The following TPO variants were observed in gnomAD, a reference collection of about 807,000 sequenced individuals.
TPO encodes thyroid peroxidase.
A neutral mutation model predicts 96.9 loss-of-function variants in TPO; 78 were observed. The ratio of observed to expected loss-of-function variants is 0.81; its 90% CI spans 0.67 to 0.97. The LOEUF is 0.97. TPO is among the 50% of genes least tolerant of loss of function. The pLI is 0.00. For missense variants in TPO, 1,252 were observed against 1,274.8 expected (o/e 0.98, Z 0.27); for synonymous variants, 547 against 538.0 (o/e 1.02, Z -0.23).
intron 8 of TPO, among the ~76,000 whole-genome samples, chr2:1,483,494 A>G (rs1670832237): frequency 6.6e-6 from 1 of 152,242 alleles, no homozygotes; most frequent in Non-Finnish European, 1.5e-5. Flanking sequence ...TGTGGGAAGC[A>G]CACGGACCTT....
At chr2:1,468,602 T>C (rs949573544) in intron 7 of TPO, among the ~76,000 whole-genome samples, 6 of 152,248 alleles carry the variant, frequency 3.9e-5, no homozygotes, top group Admixed American at 1.3e-4. Context: ...TTTTACTTTA[T>C]AGGTTACCTG....
intron 14 of TPO, among the ~76,000 whole-genome samples, chr2:1,508,081 G>C (rs1281232519): frequency 6.6e-6 from 1 of 152,028 alleles, no homozygotes; most frequent in East Asian, 1.9e-4. Flanking sequence ...TTTATTGAGA[G>C]TTTTTAGCAT....
chr2:1,428,001 C>A (rs1453788480), intron 3 of TPO, among the ~76,000 whole-genome samples: 1 of 152,178 alleles, frequency 6.6e-6, no homozygotes, highest in African/African-American at 2.4e-5. Flanking sequence ...TGTCCCCAAA[C>A]CGAGAGCGAT....
At chr2:1,479,980 C>G (rs967146459) in intron 8 of TPO, among the ~76,000 whole-genome samples, 1 of 152,118 alleles carries the variant, frequency 6.6e-6, no homozygotes, top group African/African-American at 2.4e-5. Flanking sequence ...TGGGGTTTTG[C>G]CATGTTGGCT....
intron 8 of TPO, among the ~76,000 whole-genome samples, chr2:1,480,927 G>A (rs62107968): frequency 2.0e-4 from 30 of 152,098 alleles, no homozygotes; most frequent in Non-Finnish European, 3.4e-4. Context: ...TTCTTTTGTC[G>A]AAAGCTGAGA....
At position 1,501,051 on chromosome 2, in the gene TPO, A is replaced by G. The variant is rs561872635; in HGVS notation, c.2387-2897A>G. On this transcript the variant is annotated intron_variant, in intron 13 of 16. Transcript: ENST00000329066. ...TGGATGCTGCAAATTTCAAATAGATAAAAAGCTGTGAGTCAGTGGCTTTTT... is the reference window on the plus strand; with the variant it reads ...TGGATGCTGCAAATTTCAAATAGATGAAAAGCTGTGAGTCAGTGGCTTTTT... Among the ~76,000 whole-genome samples the G allele has an allele frequency of 2.0e-5, 3 of 152,244 alleles. No homozygotes were observed. In the East Asian group the frequency reaches 5.8e-4, roughly 29 times the overall value.
chr2:1,495,913 G>A (rs1195482684), intron 11 of TPO, 76 bp from the exon 12 acceptor site: 1 of 1,483,826 alleles, frequency 6.7e-7, no homozygotes, highest in Non-Finnish European at 9.2e-7. Flanking sequence ...ACACAGCTGT[G>A]GGCAGCTGGT....
At chr2:1,489,221 G>A (rs959722700) in intron 10 of TPO, among the ~76,000 whole-genome samples, 2 of 134,512 alleles carry the variant, frequency 1.5e-5, no homozygotes, top group African/African-American at 5.8e-5. Flanking sequence ...CCCAGCACAC[G>A]CCTGCACATG....
intron 10 of TPO, among the ~76,000 whole-genome samples, chr2:1,493,054 GGAGCAGCTGAGGCGTGGGTCAGT>G (rs1361250930): frequency 3.9e-5 from 6 of 152,128 alleles, no homozygotes; most frequent in Admixed American, 3.9e-4. Flanking sequence ...GCCTGGGCAG[GGAGCAGCTGAGGCGTGGGTCAGT>G]GAGCAGGAGG....
At chr2:1,489,156 TACCCAGCACAC>T (rs1413367494) in intron 10 of TPO, among the ~76,000 whole-genome samples, 57 of 144,604 alleles carry the variant, frequency 3.9e-4, no homozygotes, top group African/African-American at 1.5e-3. Flanking sequence ...GCCCAGCACA[TACCCAGCACAC>T]ACCTGCACAC....
chr2:1,485,752 G>C (rs1671100648), intron 9 of TPO, among the ~76,000 whole-genome samples: 2 of 152,090 alleles, frequency 1.3e-5, no homozygotes, highest in African/African-American at 4.8e-5. Flanking sequence ...TGATGGGGTT[G>C]TTTGTTTTTT....
intron 15 of TPO, among the ~76,000 whole-genome samples, chr2:1,526,963 T>G (rs570275426): frequency 7.5e-6 from 1 of 132,998 alleles, no homozygotes; most frequent in African/African-American, 2.9e-5. Flanking sequence ...CCACACTCTG[T>G]GCAACCTACT....
intron 1 of TPO, chr2:1,413,811 A>G (rs1360175168): frequency 3.3e-6 from 3 of 902,388 alleles, no homozygotes; most frequent in Non-Finnish European, 2.7e-6. Context: ...CCTGCTTAAC[A>G]AAATTAGTGG....
At chr2:1,542,349 G>T in intron 16 of TPO, 72 bp from the exon 17 acceptor site, 2 of 1,591,756 alleles carry the variant, frequency 1.3e-6, no homozygotes, top group Non-Finnish European at 1.7e-6. Flanking sequence ...CTTCTGTCTT[G>T]TATCAAGTGT....
chr2:1,439,027 G>A, intron 5 of TPO: 1 of 560,778 alleles, frequency 1.8e-6, no homozygotes. Flanking sequence ...CATAAATCAT[G>A]ATCACTCAAA....
intron 1 of TPO, among the ~76,000 whole-genome samples, chr2:1,386,354 T>C (rs1467756785): frequency 3.3e-5 from 5 of 152,184 alleles, no homozygotes; most frequent in African/African-American, 9.7e-5. Flanking sequence ...AGTCTAAGTC[T>C]CTTTGTAGGT....
rs1350950093 is a variant in TPO, at chr2:1,487,860, C to T, written c.1637C>T (p.Pro546Leu). ...DPLIRGLLAR[P>L]AKLQVQDQLM... ...CTAATACGAGGCCTTCTTGCAAGAC[C>T]AGCCAAACTGCAGGTGCAGGATCAG... Residue 546 changes from proline to leucine, a missense_variant, in exon 10 of 17, where the codon CCA (proline) becomes CTA (leucine). Pro to Leu is a moderately conservative substitution (Grantham distance 98, BLOSUM62 -3). Coordinates refer to ENST00000329066, the MANE Select transcript of TPO (RefSeq NM_001206744.2). The T allele has an allele frequency of 4.3e-6, 7 of 1,614,112 alleles. No homozygotes were observed. The highest frequency in any genetic ancestry group is 5.1e-6 in the Non-Finnish European group (6 of 1,180,050).
At position 1,542,614 on chromosome 2, in the gene TPO, A is replaced by ACTCTCAGGCATGGATGAAT; in HGVS notation, c.*141_*159dup. 2 of 1,552,654 alleles carry ACTCTCAGGCATGGATGAAT rather than the reference A, an allele frequency of 1.3e-6. No homozygotes were observed. The highest frequency in any genetic ancestry group is 1.7e-6 in the Non-Finnish European group (2 of 1,147,276). Reference sequence around the variant, plus strand: ...GTAAATCTAGTACCATGTCGTAGTTACTCTCAGGCATGGATGAATAAATGT... The same window carrying ACTCTCAGGCATGGATGAAT: ...GTAAATCTAGTACCATGTCGTAGTTACTCTCAGGCATGGATGAATCTCTCAGGCATGGATGAATAAATGT... On this transcript the variant is annotated 3_prime_UTR_variant, in exon 17 of 17. Transcript: ENST00000329066.
chr2:1,479,904 C>T (rs1162821371), intron 8 of TPO, among the ~76,000 whole-genome samples: 1 of 152,046 alleles, frequency 6.6e-6, no homozygotes, highest in East Asian at 1.9e-4. Flanking sequence ...GCCTCAGCCT[C>T]TCAAGTAGCT....
Sources: gnomAD v4.1 joint callset for allele counts (sites outside exome capture counted in the v4.1 genomes callset) on GRCh38, gnomAD v4.1.1 for gene constraint, MANE v1.5 for transcripts, NCBI Gene and HGNC (gene_info 2026-07-23, HGNC 2026-07-21) for gene names.